Variants in NAV3 observed in about 807,000 individuals in gnomAD.
NAV3 encodes the protein pore membrane and/or filament interacting like protein 1.
A neutral mutation model predicts 244.7 loss-of-function variants in NAV3; 87 were observed. That is an observed-to-expected ratio of 0.36 (90% confidence interval 0.30 to 0.42). The LOEUF (loss-of-function observed/expected upper bound fraction) is 0.42. Ranked by LOEUF, NAV3 falls within the 20% of genes least tolerant of loss-of-function variation. NAV3 has a pLI of 1.00. For missense variants in NAV3, 2,663 were observed against 2,893.3 expected (o/e 0.92, Z 1.83); for synonymous variants, 1,126 against 1,042.2 (o/e 1.08, Z -1.55).
At chr12:77,798,843 C>G (rs1871557102) in intron 2 of NAV3, among the ~76,000 whole-genome samples, 1 of 152,142 alleles carries the variant, frequency 6.6e-6, no homozygotes, top group Non-Finnish European at 1.5e-5. Flanking sequence ...ACTACTGTTT[C>G]ACCCAAATGA....
chr12:78,006,073 G>A (rs1874158848), intron 7 of NAV3, among the ~76,000 whole-genome samples: 1 of 152,128 alleles, frequency 6.6e-6, no homozygotes, highest in African/African-American at 2.4e-5. Flanking sequence ...GGGCTACAGT[G>A]GTGGTTGGAA....
rs148601202 is a variant in NAV3 at position 77,704,480 on chromosome 12, T to G, written c.72+132214T>G. 8.4e-3 allele frequency among the ~76,000 whole-genome samples: 1,281 copies of G among 152,332 alleles called. 6 individuals are homozygous for G. Among genetic ancestry groups the G allele is most frequent in the Middle Eastern group, 0.017 (5 of 294 alleles). On this transcript the variant is annotated intron_variant, in intron 2 of 8. Coordinates refer to the NAV3 transcript ENST00000550042. ...TTGCTTGATATCCAAAATAGTATTG[T>G]GTACGTATGGTCTAGAAATCTTATG...
intron 2 of NAV3, among the ~76,000 whole-genome samples, chr12:77,747,216 T>G (rs768789792): frequency 1.3e-5 from 2 of 152,218 alleles, no homozygotes; most frequent in Non-Finnish European, 2.9e-5. Flanking sequence ...TCATGTCTTT[T>G]GGCTGCATAA....
chr12:78,177,798 C>A, intron 28 of NAV3, 113 bp downstream of exon 28: 1 of 906,424 alleles, frequency 1.1e-6, no homozygotes, highest in African/African-American at 1.7e-5. Context: ...TAAATACCTT[C>A]TCTTTCTGTT....
chr12:77,822,492 A>G, intron 2 of NAV3, among the ~76,000 whole-genome samples: 1 of 152,216 alleles, frequency 6.6e-6, no homozygotes, highest in East Asian at 1.9e-4. Context: ...TTTCTGAGAT[A>G]TCTGAAAAAA....
At position 78,210,599 on chromosome 12, in the gene NAV3, G is replaced by C; in HGVS notation, c.*82G>C. The C allele has an allele frequency of 2.6e-6, 4 of 1,510,934 alleles. No individual in the cohort carries two copies. Among genetic ancestry groups the C allele is most frequent in the Non-Finnish European group, 3.6e-6 (4 of 1,121,304 alleles). The allele number at this position is 1,510,934 out of a possible 1,614,324, so 93.6% of individuals were successfully genotyped here. Reference sequence around the variant, plus strand: ...AGGTATTTTCACTAAACCACTGCCAGTATAAAAGCACCCTGTCAAGGGCCC... The same window carrying C: ...AGGTATTTTCACTAAACCACTGCCACTATAAAAGCACCCTGTCAAGGGCCC... On this transcript the variant is annotated 3_prime_UTR_variant, in exon 40 of 40. Transcript: ENST00000397909.
rs201484038 is a variant in NAV3, at chr12:78,199,529, T to C, written c.6713T>C (p.Ile2238Thr). Reference sequence around the variant, plus strand: ...ACACACAGTTCTTCTGACGTTACCATTGGTGAGTTCCAAAATTATAATATG... The same window carrying C: ...ACACACAGTTCTTCTGACGTTACCACTGGTGAGTTCCAAAATTATAATATG... The part of the protein sequence containing the change: ...LETHSSSDVT[I>T]GPRLFLPCPM... The change falls in exon 37 of 40, where the codon ATT becomes ACT. Residue 2238 changes from isoleucine to threonine, a missense_variant and splice_region_variant. Physicochemically the swap from Ile to Thr is moderately conservative, Grantham distance 89. Around this residue, in one of 6 missense-constraint regions of NAV3, gnomAD observed 543 missense variants for 672.4 expected, o/e 0.81. Coordinates refer to ENST00000397909, the MANE Select transcript of NAV3 (RefSeq NM_001024383.2). 1 of 1,572,540 alleles carries C rather than the reference T, an allele frequency of 6.4e-7. No individual in the cohort carries two copies. Among genetic ancestry groups the C allele is most frequent in the Non-Finnish European group, 8.6e-7 (1 of 1,163,664 alleles).
chr12:77,808,476 C>T (rs750476818), intron 2 of NAV3, among the ~76,000 whole-genome samples: 3 of 152,130 alleles, frequency 2.0e-5, no homozygotes, highest in Non-Finnish European at 4.4e-5. Context: ...CACTGCAGAC[C>T]CTGTTTGCCT....
In NAV3 at chr12:77,764,808, A is replaced by T. The variant is rs11106611; in HGVS notation, c.73-175511A>T. Among the ~76,000 whole-genome samples, 614 of 152,312 alleles carry T rather than the reference A, an allele frequency of 4.0e-3. 6 individuals are homozygous for T. The highest frequency in any genetic ancestry group is 0.014 in the African/African-American group (589 of 41,560). On this transcript the variant is annotated intron_variant, in intron 2 of 8. Coordinates refer to the NAV3 transcript ENST00000550042. ...ATAAATTTTTATGTATATTCATGTC[A>T]GTGTATAGGTGACATTTGCGACAGC...
intron 2 of NAV3, among the ~76,000 whole-genome samples, chr12:77,742,555 TG>T (rs1372359181): frequency 5.3e-5 from 8 of 152,186 alleles, no homozygotes; most frequent in Admixed American, 2.6e-4. Flanking sequence ...ATAAAATATA[TG>T]TAGATACTAG....
At chr12:78,143,570 G>A (rs1307051693) in intron 20 of NAV3, among the ~76,000 whole-genome samples, 1 of 148,810 alleles carries the variant, frequency 6.7e-6, no homozygotes, top group African/African-American at 2.5e-5. Context: ...GGCTGAGGCT[G>A]CTGCAGTGAG....
At chr12:77,854,683 A>C (rs1364850159) in intron 1 of NAV3, among the ~76,000 whole-genome samples, 3 of 152,126 alleles carry the variant, frequency 2.0e-5, no homozygotes, top group Non-Finnish European at 4.4e-5. Context: ...AACAACATAT[A>C]ATTTCAAATC....
chr12:77,729,249 G>T (rs1195409515), intron 2 of NAV3, among the ~76,000 whole-genome samples: 1 of 151,910 alleles, frequency 6.6e-6, no homozygotes, highest in Admixed American at 6.6e-5. Context: ...GAGAGACCTA[G>T]GCTTGGTATA....
chr12:78,210,382 T>A lies in NAV3; in HGVS notation c.7039-16T>A. The A allele has an allele frequency of 6.2e-7, 1 of 1,613,222 alleles. No individual in the cohort carries two copies. Among genetic ancestry groups the A allele is most frequent in the Non-Finnish European group, 8.5e-7 (1 of 1,179,644 alleles). On this transcript the variant is annotated splice_polypyrimidine_tract_variant and intron_variant, in intron 39 of 39. Coordinates refer to ENST00000397909, the MANE Select transcript of NAV3 (RefSeq NM_001024383.2). The stretch of plus-strand genomic sequence containing the variant: ...ATGCATCATTGCCTACATCGATGTC[T>A]TTTTTCTTTCTTCAGATGAATATGC...
chr12:77,890,523 A>T (rs1883808127), intron 1 of NAV3, among the ~76,000 whole-genome samples: 1 of 152,166 alleles, frequency 6.6e-6, no homozygotes, highest in Non-Finnish European at 1.5e-5. Flanking sequence ...TAAATACAAT[A>T]TTTATATGTT....
intron 2 of NAV3, among the ~76,000 whole-genome samples, chr12:77,747,022 A>T (rs970554973): frequency 1.3e-5 from 2 of 152,166 alleles, no homozygotes; most frequent in African/African-American, 4.8e-5. Flanking sequence ...TGAAAATAGT[A>T]TCTTGCTACA....
chr12:78,208,492 T>C lies in NAV3; in HGVS notation c.7039-1906T>C, dbSNP rs1189486878. ...AAAAATATTAATACTTTTTGGAGAA[T>C]TGTGATGTATCACGATAATGACTAA... On this transcript the variant is annotated intron_variant, in intron 39 of 39. Transcript: ENST00000397909. Among the ~76,000 whole-genome samples, 4 of 152,278 alleles carry C rather than the reference T, an allele frequency of 2.6e-5. No homozygotes were observed. The East Asian group carries it at 7.7e-4, about 29-fold the overall frequency.
intron 12 of NAV3, among the ~76,000 whole-genome samples, chr12:78,106,956 G>T (rs1423282729): frequency 6.6e-6 from 1 of 152,158 alleles, no homozygotes; most frequent in Non-Finnish European, 1.5e-5. Context: ...GACACTGTTT[G>T]TAGCCAAAGA....
chr12:77,586,078 C>T (rs1054754158), intron 2 of NAV3, among the ~76,000 whole-genome samples: 4 of 151,962 alleles, frequency 2.6e-5, no homozygotes, highest in South Asian at 4.2e-4. Flanking sequence ...AGGAGAATGG[C>T]GTGAACCCGG....
Sources: allele counts gnomAD v4.1 joint callset (sites outside exome capture counted in the v4.1 genomes callset), GRCh38; gene constraint gnomAD v4.1.1; regional missense constraint gnomAD v4.1.1; transcripts MANE v1.5; gene names NCBI Gene and HGNC (gene_info 2026-07-23, HGNC 2026-07-21).